The following SWT1 variants were observed in gnomAD, a reference collection of about 807,000 sequenced individuals.
The protein encoded by SWT1 is transcriptional protein SWT1.
SWT1 carries 33 observed loss-of-function variants against 107.3 expected under a neutral mutation model. The observed-to-expected ratio is 0.31, with a 90% CI of 0.23 to 0.41. The LOEUF (loss-of-function observed/expected upper bound fraction) is 0.41, where lower values mean the gene tolerates loss of function less well. SWT1 is among the 10% of genes least tolerant of loss of function. SWT1 has a pLI of 1.00. For missense variants in SWT1, 898 were observed against 1,028.9 expected (o/e 0.87, Z 1.74); for synonymous variants, 345 against 348.3 (o/e 0.99, Z 0.11).
In SWT1 at chr1:185,174,670, C is replaced by T; in HGVS notation, c.523C>T (p.His175Tyr). 2 of 1,613,802 alleles carry T rather than the reference C, an allele frequency of 1.2e-6. No individual in the cohort carries two copies. Among genetic ancestry groups the T allele is most frequent in the South Asian group, 2.2e-5 (2 of 90,964 alleles). ...EGQASENKWS[H>Y]LLVQREKMKE... ...CCAGGCAAGTGAAAATAAATGGTCT[C>T]ATTTACTTGTTCAGAGAGAGAAGAT... is the stretch of plus-strand genomic sequence containing the variant. Residue 175 changes from histidine (H) to tyrosine (Y), a missense_variant, in exon 5 of 19, where the codon CAT becomes TAT. This residue lies in a region of SWT1 where 382 missense variants were observed against 362.4 expected (regional missense o/e 1.05). Transcript: ENST00000367500.
At chr1:185,242,620 G>A (rs2102613760) in intron 16 of SWT1, among the ~76,000 whole-genome samples, 1 of 152,232 alleles carries the variant, frequency 6.6e-6, no homozygotes, top group Non-Finnish European at 1.5e-5. Context: ...AGAGTTAAAT[G>A]TATCCCATCA....
chr1:185,224,113 G>T (rs367735093), intron 15 of SWT1, among the ~76,000 whole-genome samples: 2 of 152,164 alleles, frequency 1.3e-5, no homozygotes, highest in Non-Finnish European at 2.9e-5. Flanking sequence ...TTAATACCTT[G>T]TGAGATGTAT....
intron 9 of SWT1, among the ~76,000 whole-genome samples, chr1:185,187,849 C>T (rs768952221): frequency 8.6e-5 from 13 of 151,922 alleles, no homozygotes; most frequent in Non-Finnish European, 1.5e-4. Flanking sequence ...CCACCATGCC[C>T]GGCTAATTTT....
At chr1:185,225,470 G>A (rs1659977760) in intron 15 of SWT1, among the ~76,000 whole-genome samples, 1 of 152,262 alleles carries the variant, frequency 6.6e-6, no homozygotes, top group Middle Eastern at 3.4e-3. Flanking sequence ...TTCTAGAATA[G>A]TTTGAGGAAA....
rs1558022199 is a variant in SWT1, at chr1:185,184,929, A to G, written c.1427A>G (p.His476Arg). 3 of 1,454,240 alleles carry G rather than the reference A, an allele frequency of 2.1e-6. No individual in the cohort carries two copies. Among genetic ancestry groups the G allele is most frequent in the African/African-American group, 2.9e-5 (2 of 68,404 alleles). 90.1% of individuals were successfully genotyped at this position (1,454,240 alleles called of 1,614,324 possible). A position where few individuals can be genotyped will look rare whatever the true frequency, so the allele number is the denominator to read the frequency against. ...TCAATACAACTTGCATCCCAAAAAC[A>G]TTGTAAGTATTGTTCTCTCAGAGTG... ...GQSIQLASQKHYGLSDENNDD... is the reference protein window; with the variant it reads ...GQSIQLASQKRYGLSDENNDD... Residue 476 changes from histidine to arginine, a missense_variant and splice_region_variant, in exon 9 of 19, where the codon CAT (histidine) becomes CGT (arginine). His to Arg is a conservative substitution (Grantham distance 29). Coordinates refer to ENST00000367500, the MANE Select transcript of SWT1 (RefSeq NM_017673.7).
Position 185,204,778 on chromosome 1 carries a change from C to T in SWT1, c.1748C>T (p.Ser583Phe), listed in dbSNP as rs1558038126. 3 of 1,596,018 alleles carry T rather than the reference C, an allele frequency of 1.9e-6. No homozygotes were observed. Among genetic ancestry groups the T allele is most frequent in the Non-Finnish European group, 2.6e-6 (3 of 1,171,088 alleles). The change falls in exon 12 of 19, where the codon TCT (serine) becomes TTT (phenylalanine). Residue 583 changes from serine (S) to phenylalanine (F), a missense_variant. Physicochemically the swap from Ser to Phe is radical, Grantham distance 155. Around this residue, in one of 6 missense-constraint regions of SWT1, gnomAD observed 382 missense variants for 460.0 expected, o/e 0.83. Coordinates refer to ENST00000367500, the MANE Select transcript of SWT1 (RefSeq NM_017673.7). ...GLSILLESIV[S>F]DLEKSLGTGL... ...TCCATTCTGCTTGAGAGCATTGTAT[C>T]TGATCTTGAAAAATCTCTTGGAACA...
chr1:185,180,510 T>A, intron 6 of SWT1, 60 bp downstream of exon 6: 1 of 1,159,908 alleles, frequency 8.6e-7, no homozygotes, highest in Non-Finnish European at 1.3e-6. Flanking sequence ...TTCCTACTTT[T>A]AATAAAAAAT....
intron 16 of SWT1, among the ~76,000 whole-genome samples, chr1:185,255,351 C>T (rs1485764550): frequency 1.4e-5 from 2 of 145,748 alleles, no homozygotes; most frequent in African/African-American, 5.3e-5. Flanking sequence ...CTTTCTGTCA[C>T]GTTGATCTGT....
At chr1:185,266,933 CT>C (rs960249805) in intron 16 of SWT1, among the ~76,000 whole-genome samples, 36 of 150,748 alleles carry the variant, frequency 2.4e-4, no homozygotes, top group African/African-American at 8.3e-4. Context: ...TAAAAGACAG[CT>C]TTTTTTTTGC....
chr1:185,189,862 T>C (rs919016749), intron 9 of SWT1, among the ~76,000 whole-genome samples: 2 of 150,828 alleles, frequency 1.3e-5, no homozygotes, highest in Admixed American at 6.6e-5. Flanking sequence ...TACTTTTTTT[T>C]TTTTGAGATG....
At chr1:185,257,330 C>T (rs867353304) in intron 16 of SWT1, among the ~76,000 whole-genome samples, 64 of 152,258 alleles carry the variant, frequency 4.2e-4, no homozygotes, top group Middle Eastern at 3.4e-3. Context: ...TTCCTGGCTG[C>T]TTTGTTTACC....
rs1046830248 is a variant in SWT1, at chr1:185,171,781, G to A, written c.225-2591G>A. On this transcript the variant is annotated intron_variant, in intron 4 of 18. Transcript: ENST00000367500. Reference sequence around the variant, plus strand: ...GGCTGGAGTGCAGTGGCACAGTCTCGGCTCACTGCAGCCTCCAACTCTTGG... The same window carrying A: ...GGCTGGAGTGCAGTGGCACAGTCTCAGCTCACTGCAGCCTCCAACTCTTGG... 35 of 380,890 alleles carry A rather than the reference G, an allele frequency of 9.2e-5. 1 individual carries two copies. Among genetic ancestry groups the A allele is most frequent in the South Asian group, 6.4e-4 (31 of 48,398 alleles). 23.6% of individuals were successfully genotyped at this position (380,890 alleles called of 1,614,324 possible).
intron 13 of SWT1, among the ~76,000 whole-genome samples, chr1:185,208,828 A>T (rs1360847072): frequency 6.6e-6 from 1 of 151,702 alleles, no homozygotes; most frequent in Non-Finnish European, 1.5e-5. Flanking sequence ...TAGCTGTGGC[A>T]AGCCACAAGT....
At chr1:185,279,909 G>GT (rs1173369848) in intron 18 of SWT1, among the ~76,000 whole-genome samples, 1 of 151,494 alleles carries the variant, frequency 6.6e-6, no homozygotes, top group Non-Finnish European at 1.5e-5. Context: ...CTTTGTTTTT[G>GT]TTTTTTTTAA....
At chr1:185,187,101 G>A (rs1408826984) in intron 9 of SWT1, among the ~76,000 whole-genome samples, 2 of 142,868 alleles carry the variant, frequency 1.4e-5, no homozygotes, top group Non-Finnish European at 1.5e-5. Flanking sequence ...CACCCAGGCT[G>A]GAGTGCAATG....
At chr1:185,271,149 TTAAG>T (rs989809469) in intron 16 of SWT1, among the ~76,000 whole-genome samples, 170 bp from the exon 17 acceptor site, 3 of 152,248 alleles carry the variant, frequency 2.0e-5, no homozygotes, top group African/African-American at 4.8e-5. Context: ...CTCCGTTGAA[TTAAG>T]TTTCTGGTTT....
intron 18 of SWT1, among the ~76,000 whole-genome samples, chr1:185,279,784 G>T (rs1571701879): frequency 6.6e-6 from 1 of 150,916 alleles, no homozygotes; most frequent in East Asian, 1.9e-4. Context: ...ATTTCCCTGT[G>T]ACTCAGAGGT....
rs117167207 is a variant in SWT1 at position 185,165,739 on chromosome 1, C to T, written c.85-833C>T. Reference sequence around the variant, plus strand: ...CCCATCCCATCCCCCTGACACTCTCCTGACATAATTTGCTTTTCTACTCCA... The same window carrying T: ...CCCATCCCATCCCCCTGACACTCTCTTGACATAATTTGCTTTTCTACTCCA... On this transcript the variant is annotated intron_variant, in intron 2 of 18. Coordinates refer to ENST00000367500, the MANE Select transcript of SWT1 (RefSeq NM_017673.7). Among the ~76,000 whole-genome samples the T allele has an allele frequency of 3.2e-4, 49 of 152,366 alleles. 1 individual carries two copies. In the East Asian group the frequency reaches 9.4e-3, roughly 29 times the overall value.
At chr1:185,157,842 T>C (rs1443985067) in intron 1 of SWT1, among the ~76,000 whole-genome samples, 1 of 152,204 alleles carries the variant, frequency 6.6e-6, no homozygotes, top group Admixed American at 6.5e-5. Flanking sequence ...TTAATTTTGA[T>C]GCGTTTCAGA....
Sources: allele counts gnomAD v4.1 joint callset (sites outside exome capture counted in the v4.1 genomes callset), GRCh38; gene constraint gnomAD v4.1.1; regional missense constraint gnomAD v4.1.1; transcripts MANE v1.5; gene names NCBI Gene and HGNC (gene_info 2026-07-23, HGNC 2026-07-21).